ZNF592: variants seen among roughly 807,000 people sequenced by gnomAD.
The protein encoded by ZNF592 is zinc finger protein 592, also known as spinocerebellar ataxia, autosomal recessive 5.
Under a neutral mutation model 80.3 loss-of-function variants are expected in ZNF592, and 11 were observed. That is an observed-to-expected ratio of 0.14 (90% confidence interval 0.09 to 0.23). ZNF592 has a LOEUF of 0.23. Among genes scored for constraint, ZNF592 ranks in the 10% least tolerant of loss-of-function variants. The pLI, the probability that ZNF592 is intolerant of heterozygous loss-of-function variation, is 1.00. For synonymous variants in ZNF592, 646 were observed against 640.3 expected (o/e 1.01, Z -0.13); for missense variants, 1,420 against 1,633.9 (o/e 0.87, Z 2.26).
chr15:84,784,755 C>T lies in ZNF592; in HGVS notation c.2080C>T (p.Pro694Ser). ...CACTTCGGGCAGTGCCAGTCCCCCTCCTCCAGCCTTGCCACTCTACCCAGA... is the reference window on the plus strand; with the variant it reads ...CACTTCGGGCAGTGCCAGTCCCCCTTCTCCAGCCTTGCCACTCTACCCAGA... ...GLTSGSASPP[P>S]PALPLYPDPV... The change falls in exon 4 of 11, where the codon CCT (proline) becomes TCT (serine). Residue 694 changes from proline to serine, a missense_variant. Coordinates refer to ENST00000560079, the MANE Select transcript of ZNF592 (RefSeq NM_014630.3). The surrounding 1 kb of genome is among the most constrained non-coding windows in gnomAD (Gnocchi z 5.8). 1 of 1,614,166 alleles carries T rather than the reference C, an allele frequency of 6.2e-7. No individual in the cohort carries two copies. Among genetic ancestry groups the T allele is most frequent in the Non-Finnish European group, 8.5e-7 (1 of 1,180,030 alleles).
intron 2 of ZNF592, among the ~76,000 whole-genome samples, chr15:84,770,275 T>C (rs1209823913): frequency 1.3e-5 from 2 of 152,082 alleles, no homozygotes; most frequent in African/African-American, 4.8e-5. Context: ...CTATTAGATA[T>C]CCAAGTAGAG....
chr15:84,753,077 T>C (rs1899058257), intron 1 of ZNF592: 1 of 152,216 alleles, frequency 6.6e-6, no homozygotes, highest in African/African-American at 2.4e-5. Flanking sequence ...AAGCACTATT[T>C]AGTATAGTCA....
In ZNF592 at chr15:84,804,521, C is replaced by G. The variant is rs1963190846; in HGVS notation, c.*2128C>G. 6.6e-6 allele frequency: 1 copy of G among 152,252 alleles called. No homozygotes were observed. The highest frequency in any genetic ancestry group is 2.1e-4 in the South Asian group (1 of 4,828). 9.4% of individuals were successfully genotyped at this position (152,252 alleles called of 1,614,324 possible). A position where few individuals can be genotyped will look rare whatever the true frequency, so the allele number is the denominator to read the frequency against. ...GAAAACCTGGGTCCTGGCCTGGATT[C>G]TGTCCTTAGCCAGCTCTTAACAAAT... On this transcript the variant is annotated 3_prime_UTR_variant, in exon 11 of 11. Transcript: ENST00000560079.
intron 2 of ZNF592, among the ~76,000 whole-genome samples, chr15:84,765,105 A>T (rs1333972921): frequency 6.6e-6 from 1 of 152,080 alleles, no homozygotes; most frequent in Non-Finnish European, 1.5e-5. Context: ...CTGGCAACCA[A>T]TTCTACTTCT....
At chr15:84,794,220 T>C (rs1215888400) in intron 5 of ZNF592, among the ~76,000 whole-genome samples, 3 of 152,120 alleles carry the variant, frequency 2.0e-5, no homozygotes, top group Non-Finnish European at 4.4e-5. Flanking sequence ...TGCACATGTA[T>C]CCCCAAACTT....
intron 5 of ZNF592, among the ~76,000 whole-genome samples, chr15:84,796,264 ATT>A (rs374889586): frequency 6.6e-5 from 4 of 60,168 alleles, no homozygotes; most frequent in Non-Finnish European, 1.2e-4. Flanking sequence ...ATATATATAT[ATT>A]TTATATATAT....
rs758076215 is a variant in ZNF592 at position 84,784,458 on chromosome 15, G to A, written c.1783G>A (p.Ala595Thr). Residue 595 changes from alanine (A) to threonine (T), a missense_variant, in exon 4 of 11, where the codon GCA becomes ACA. Ala to Thr is a moderately conservative substitution (Grantham distance 58, BLOSUM62 0). Transcript: ENST00000560079. The surrounding 1 kb of genome is among the most constrained non-coding windows in gnomAD (Gnocchi z 5.8). Reference sequence around the variant, plus strand: ...GTACTGCTGCCTGGAGTGTGGAGACGCATTTGCCTTAGAGAAGAGCCTGAG... The same window carrying A: ...GTACTGCTGCCTGGAGTGTGGAGACACATTTGCCTTAGAGAAGAGCCTGAG... ...SGYCCLECGD[A>T]FALEKSLSQH... is the part of the protein sequence containing the mutation. 1.2e-6 allele frequency: 2 copies of A among 1,614,094 alleles called. No homozygotes were observed. Among genetic ancestry groups the A allele is most frequent in the African/African-American group, 1.3e-5 (1 of 74,934 alleles).
At chr15:84,750,258 G>A (rs771683189) in intron 1 of ZNF592, among the ~76,000 whole-genome samples, 3 of 152,192 alleles carry the variant, frequency 2.0e-5, no homozygotes, top group African/African-American at 4.8e-5. Flanking sequence ...ACCTGAGATC[G>A]TGCCGTTGCA....
intron 1 of ZNF592, among the ~76,000 whole-genome samples, chr15:84,753,675 G>T (rs1899080034): frequency 6.6e-6 from 1 of 152,152 alleles, no homozygotes; most frequent in Admixed American, 6.5e-5. Flanking sequence ...GTTTCACCAT[G>T]TTGGCCAGCC....
chr15:84,797,206 C>A (rs1200399966), intron 5 of ZNF592, among the ~76,000 whole-genome samples: 1 of 152,200 alleles, frequency 6.6e-6, no homozygotes, highest in Non-Finnish European at 1.5e-5. Flanking sequence ...TGTGATCCAC[C>A]CTCCTTGGCC....
intron 2 of ZNF592, among the ~76,000 whole-genome samples, chr15:84,774,151 CT>C (rs1033590369): frequency 6.6e-6 from 1 of 152,148 alleles, no homozygotes; most frequent in African/African-American, 2.4e-5. Context: ...ATAATTTTGC[CT>C]ATTTATGCAG....
intron 4 of ZNF592, among the ~76,000 whole-genome samples, chr15:84,788,039 C>A (rs539070560): frequency 4.3e-4 from 65 of 151,956 alleles, no homozygotes; most frequent in Non-Finnish European, 7.9e-4. Context: ...CTTCCTCATG[C>A]AGGGAATTTT....
intron 5 of ZNF592, among the ~76,000 whole-genome samples, chr15:84,793,527 C>G (rs993611066): frequency 1.3e-5 from 2 of 152,156 alleles, no homozygotes; most frequent in Non-Finnish European, 2.9e-5. Context: ...TGTGACTCAG[C>G]GAAAGGGATT....
intron 3 of ZNF592, among the ~76,000 whole-genome samples, chr15:84,781,683 G>A (rs1962425269): frequency 6.6e-6 from 1 of 152,198 alleles, no homozygotes; most frequent in African/African-American, 2.4e-5. Flanking sequence ...CTGGAATGCT[G>A]AAGCAGATGC....
At chr15:84,791,027 G>T in intron 5 of ZNF592, 144 bp downstream of exon 5, 3 of 901,822 alleles carry the variant, frequency 3.3e-6, no homozygotes, top group Non-Finnish European at 3.6e-6. Context: ...TATGTGGACA[G>T]ACATTTTTTA....
At chr15:84,780,860 C>A (rs1962400793) in intron 3 of ZNF592, among the ~76,000 whole-genome samples, 2 of 151,968 alleles carry the variant, frequency 1.3e-5, no homozygotes, top group South Asian at 4.1e-4. Context: ...GAAAAAATAA[C>A]CCAACAGTAA....
At chr15:84,796,817 C>T (rs1451595345) in intron 5 of ZNF592, among the ~76,000 whole-genome samples, 1 of 152,160 alleles carries the variant, frequency 6.6e-6, no homozygotes, top group African/African-American at 2.4e-5. Context: ...CACTTTTGAG[C>T]TGCATGGTCC....
chr15:84,763,191 G>A (rs1348356582), intron 1 of ZNF592, among the ~76,000 whole-genome samples: 1 of 152,162 alleles, frequency 6.6e-6, no homozygotes, highest in Non-Finnish European at 1.5e-5. Context: ...TTCACTCACT[G>A]GTGAGTTCCT....
chr15:84,764,674 T>C, intron 1 of ZNF592, 33 bp from the exon 2 acceptor site: 1 of 398,766 alleles, frequency 2.5e-6, no homozygotes, highest in Non-Finnish European at 4.4e-6. Context: ...TCAGACCCAC[T>C]TAAAAAAAAT....
Sources: gnomAD v4.1 joint callset for allele counts (sites outside exome capture counted in the v4.1 genomes callset) on GRCh38, gnomAD v4.1.1 for gene constraint, Gnocchi (gnomAD v3.1) non-coding constraint, MANE v1.5 for transcripts, NCBI Gene and HGNC (gene_info 2026-07-23, HGNC 2026-07-21) for gene names.